Variants in DOCK5 observed in about 807,000 individuals in gnomAD.
DOCK5 encodes the protein dedicator of cytokinesis 5.
DOCK5 carries 142 observed loss-of-function variants against 251.8 expected under a neutral mutation model. The observed-to-expected ratio is 0.56, with a 90% CI of 0.49 to 0.65. The LOEUF (loss-of-function observed/expected upper bound fraction) is 0.65. DOCK5 is among the 30% of genes least tolerant of loss of function. The pLI, the probability that DOCK5 is intolerant of heterozygous loss-of-function variation, is 0.00. For synonymous variants in DOCK5, 842 were observed against 835.5 expected (o/e 1.01, Z -0.13); for missense variants, 2,111 against 2,312.3 (o/e 0.91, Z 1.79).
chr8:25,219,564 G>A (rs138759726), intron 1 of DOCK5, among the ~76,000 whole-genome samples: 63 of 152,232 alleles, frequency 4.1e-4, no homozygotes, highest in Admixed American at 1.0e-3. Context: ...GAAAGGTTCC[G>A]TGGTAACTTT....
chr8:25,276,557 T>C (rs1187106358), intron 4 of DOCK5, among the ~76,000 whole-genome samples: 1 of 151,322 alleles, frequency 6.6e-6, no homozygotes, highest in Non-Finnish European at 1.5e-5. Context: ...GAGAGGAGAG[T>C]GGGGCCGAGG....
chr8:25,394,390 A>G (rs1355682739), intron 44 of DOCK5, among the ~76,000 whole-genome samples: 1 of 151,870 alleles, frequency 6.6e-6, no homozygotes, highest in Non-Finnish European at 1.5e-5. Context: ...AGACATTTCC[A>G]TAGGAAGAAC....
chr8:25,333,354 GA>G (rs1478912700), intron 20 of DOCK5, among the ~76,000 whole-genome samples: 6 of 152,184 alleles, frequency 3.9e-5, no homozygotes, highest in African/African-American at 1.2e-4. Context: ...CCAGCTTTGA[GA>G]AACTAGTCAG....
rs749237691 is a variant in DOCK5 at position 25,341,001 on chromosome 8, G to A, written c.2439+13G>A. 5.0e-6 allele frequency: 8 copies of A among 1,595,556 alleles called. No individual in the cohort carries two copies. The highest frequency in any genetic ancestry group is 3.4e-5 in the South Asian group (3 of 89,090). Reference sequence around the variant, plus strand: ...CGTCAAGATCAAGGTCAGCCTGGCAGCATCATGGGTAACTCTTCTTAGGCT... The same window carrying A: ...CGTCAAGATCAAGGTCAGCCTGGCAACATCATGGGTAACTCTTCTTAGGCT... On this transcript the variant is annotated intron_variant, in intron 23 of 51. Transcript: ENST00000276440.
chr8:25,184,830 GA>G lies in DOCK5; in HGVS notation c.-78del. ...TGGCGGAAGCGTCTGGGGCACGCAG[GA>G]GCGCGGGGCGGCGGCGGCCGGAGCC... On this transcript the variant is annotated 5_prime_UTR_variant, in exon 1 of 52. An upstream open reading frame in the 5' UTR loses its in-frame stop. Transcript: ENST00000276440. The G allele has an allele frequency of 1.6e-6, 2 of 1,230,992 alleles. No individual in the cohort carries two copies. Among genetic ancestry groups the G allele is most frequent in the South Asian group, 6.0e-5 (2 of 33,366 alleles). 76.3% of individuals were successfully genotyped at this position (1,230,992 alleles called of 1,614,324 possible). A position where few individuals can be genotyped will look rare whatever the true frequency, so the allele number is the denominator to read the frequency against.
chr8:25,372,336 C>T (rs985841720), intron 34 of DOCK5, among the ~76,000 whole-genome samples: 9 of 152,150 alleles, frequency 5.9e-5, no homozygotes, highest in Admixed American at 3.3e-4. Context: ...AACTGGAACT[C>T]GAGTCCACAA....
At chr8:25,263,563 T>C (rs538259427) in intron 2 of DOCK5, among the ~76,000 whole-genome samples, 17 of 151,936 alleles carry the variant, frequency 1.1e-4, no homozygotes, top group African/African-American at 4.1e-4. Flanking sequence ...TTCCCTGGTA[T>C]GTAACTGATC....
intron 2 of DOCK5, among the ~76,000 whole-genome samples, chr8:25,264,642 G>A (rs971790455): frequency 4.0e-5 from 6 of 151,618 alleles, no homozygotes; most frequent in Non-Finnish European, 8.8e-5. Flanking sequence ...TCTGGCCAAC[G>A]TGGTGAAACC....
rs147105964 is a variant in DOCK5, at chr8:25,355,379, C to T, written c.2850+3553C>T. Among the ~76,000 whole-genome samples the T allele has an allele frequency of 3.4e-3, 515 of 152,214 alleles. 2 individuals are homozygous for T. The highest frequency in any genetic ancestry group is 0.011 in the African/African-American group (470 of 41,522). The stretch of plus-strand genomic sequence containing the variant: ...CATTATTTTTAGCTGAAATGACCAG[C>T]ATATCTACAAAACCCAAGAGGGTTT... On this transcript the variant is annotated intron_variant, in intron 27 of 51. Coordinates refer to ENST00000276440, the MANE Select transcript of DOCK5 (RefSeq NM_024940.8).
chr8:25,296,394 TG>T, intron 6 of DOCK5, 118 bp from the exon 7 acceptor site: 1 of 1,323,938 alleles, frequency 7.6e-7, no homozygotes, highest in Non-Finnish European at 1.0e-6. Context: ...TGTGCTTCCC[TG>T]GGCTTGTCCA....
At chr8:25,395,885 T>G (rs983499051) in intron 45 of DOCK5, 166 bp downstream of exon 45, 1 of 901,996 alleles carries the variant, frequency 1.1e-6, no homozygotes, top group East Asian at 2.7e-5. Flanking sequence ...CCTGACTTCT[T>G]AGAGACTATC....
chr8:25,185,093 G>C, intron 1 of DOCK5, 142 bp downstream of exon 1: 9 of 1,002,184 alleles, frequency 9.0e-6, no homozygotes, highest in Non-Finnish European at 1.2e-5. Context: ...AGCCGGGGAC[G>C]GTAGGAGTCC....
chr8:25,409,381 A>C, intron 50 of DOCK5: 1 of 179,226 alleles, frequency 5.6e-6, no homozygotes, highest in Non-Finnish European at 1.2e-5. Flanking sequence ...TAGAGGGATA[A>C]ATCTATCGAG....
intron 40 of DOCK5, among the ~76,000 whole-genome samples, chr8:25,385,651 G>A (rs73674766): frequency 0.014 from 2,197 of 152,196 alleles, 53 homozygotes; most frequent in African/African-American, 0.043. Context: ...GAGTCAAAAC[G>A]AACCAAAATC....
intron 44 of DOCK5, among the ~76,000 whole-genome samples, chr8:25,393,797 A>G (rs969651943): frequency 6.6e-6 from 1 of 152,156 alleles, no homozygotes. Context: ...GACCCCGCTA[A>G]CACCATCAGC....
At chr8:25,321,120 T>C in intron 16 of DOCK5, 68 bp downstream of exon 16, 1 of 1,344,784 alleles carries the variant, frequency 7.4e-7, no homozygotes. Flanking sequence ...ACAGCCATCT[T>C]GTGAAGCTGG....
chr8:25,374,937 A>G, intron 37 of DOCK5: 1 of 1,244,310 alleles, frequency 8.0e-7, no homozygotes, highest in Non-Finnish European at 1.0e-6. Flanking sequence ...ATTGATGAAT[A>G]CATAAAAAAA....
chr8:25,403,121 C>G (rs1461537715), intron 47 of DOCK5, among the ~76,000 whole-genome samples: 1 of 152,158 alleles, frequency 6.6e-6, no homozygotes, highest in Admixed American at 6.5e-5. Flanking sequence ...TTCTAGAGAA[C>G]ATAGGATTCA....
chr8:25,231,307 G>A (rs539496153), intron 1 of DOCK5, among the ~76,000 whole-genome samples: 1 of 152,178 alleles, frequency 6.6e-6, no homozygotes, highest in South Asian at 2.1e-4. Flanking sequence ...GACATTAGGG[G>A]TGAATCTCTT....
Sources: gnomAD v4.1 joint callset for allele counts (sites outside exome capture counted in the v4.1 genomes callset) on GRCh38, gnomAD v4.1.1 for gene constraint, MANE v1.5 for transcripts, NCBI Gene and HGNC (gene_info 2026-07-23, HGNC 2026-07-21) for gene names.